SLC6A20: variants seen among roughly 807,000 people sequenced by gnomAD.
SLC6A20 encodes the protein sodium- and chloride-dependent transporter XTRP3.
A neutral mutation model predicts 64.3 loss-of-function variants in SLC6A20; 73 were observed. The observed-to-expected ratio is 1.14, with a 90% CI of 0.94 to 1.38. The LOEUF is 1.38. SLC6A20 is among the 40% of genes most tolerant of loss of function. SLC6A20 has a pLI of 0.00. For synonymous variants in SLC6A20, 347 were observed against 329.6 expected (o/e 1.05, Z -0.57); for missense variants, 725 against 772.8 (o/e 0.94, Z 0.73).
At chr3:45,784,773 T>A (rs1241197325) in intron 1 of SLC6A20, among the ~76,000 whole-genome samples, 2 of 152,176 alleles carry the variant, frequency 1.3e-5, no homozygotes, top group Non-Finnish European at 2.9e-5. Flanking sequence ...AACAGAAATT[T>A]ATTGGCTCAT....
chr3:45,763,145 A>G (rs1470103601), intron 8 of SLC6A20, 73 bp from the exon 9 acceptor site: 13 of 1,578,718 alleles, frequency 8.2e-6, no homozygotes, highest in South Asian at 1.1e-5. Flanking sequence ...TCTACAGGAC[A>G]GTGGGGTCGT....
chr3:45,768,884 T>G (rs565164280), intron 7 of SLC6A20, among the ~76,000 whole-genome samples: 31 of 152,300 alleles, frequency 2.0e-4, no homozygotes, highest in African/African-American at 7.2e-4. Flanking sequence ...CCACTATCAC[T>G]TCTACTCCCA....
rs1459067882 is a variant in SLC6A20 at position 45,759,107 on chromosome 3, ATCTTTGG to A, written c.1643_1649del (p.Thr548IlefsTer71). 6.2e-7 allele frequency: 1 copy of A among 1,610,970 alleles called. No homozygotes were observed. ...TGACAGCCAGTGCATAGGCCGGGTAATCTTTGGTCACGAGCTGGCCCTGAAAGGAGAG... is the reference window on the plus strand; with the variant it reads ...TGACAGCCAGTGCATAGGCCGGGTAATCACGAGCTGGCCCTGAAAGGAGAG... On this transcript the variant is annotated frameshift_variant, in exon 11 of 11. Coordinates refer to ENST00000358525, the MANE Select transcript of SLC6A20 (RefSeq NM_020208.4). LOFTEE classifies it low-confidence loss of function (END_TRUNC).
intron 1 of SLC6A20, among the ~76,000 whole-genome samples, chr3:45,795,557 C>T (rs1700331906): frequency 6.6e-6 from 1 of 152,064 alleles, no homozygotes; most frequent in Admixed American, 6.5e-5. Flanking sequence ...GTTTTAGATG[C>T]TGAGACTTAA....
intron 2 of SLC6A20, 66 bp from the exon 3 acceptor site, chr3:45,780,166 G>A (rs970028633): frequency 8.1e-6 from 12 of 1,489,920 alleles, no homozygotes; most frequent in South Asian, 4.8e-5. Context: ...CAGGCCCAGC[G>A]TGTGCTCCCA....
chr3:45,758,941 T>A lies in SLC6A20; in HGVS notation c.*37A>T, dbSNP rs1699597742. 1 of 1,554,790 alleles carries A rather than the reference T, an allele frequency of 6.4e-7. No homozygotes were observed. The highest frequency in any genetic ancestry group is 8.7e-7 in the Non-Finnish European group (1 of 1,149,868). ...CCGAGGAGTTTCCGCCTGTAAATAG[T>A]ATCTGTAAAACCGTGAGCGGCTGGG... On this transcript the variant is annotated 3_prime_UTR_variant, in exon 11 of 11. Coordinates refer to ENST00000358525, the MANE Select transcript of SLC6A20 (RefSeq NM_020208.4).
At chr3:45,781,089 C>T (rs754328715) in intron 2 of SLC6A20, among the ~76,000 whole-genome samples, 10 of 152,026 alleles carry the variant, frequency 6.6e-5, no homozygotes, top group Non-Finnish European at 1.3e-4. Context: ...GGTGTGGTGG[C>T]GGGTGCCTGT....
chr3:45,760,025 A>G lies in SLC6A20; in HGVS notation c.1464-3T>C, dbSNP rs772530107. 1.1e-5 allele frequency: 17 copies of G among 1,605,270 alleles called. No homozygotes were observed. Among genetic ancestry groups the G allele is most frequent in the African/African-American group, 4.0e-5 (3 of 74,440 alleles). On this transcript the variant is annotated splice_region_variant and splice_polypyrimidine_tract_variant and intron_variant, in intron 9 of 10. Transcript: ENST00000358525. ...TGGCCTTAAGGTCACTTTCAAATCT[A>G]TTTGGAAAACAGGGAGAGAAAGTCT...
At position 45,771,355 on chromosome 3, in the gene SLC6A20, T is replaced by C. The variant is rs766481839; in HGVS notation, c.797A>G (p.Asn266Ser). The C allele has an allele frequency of 4.3e-6, 7 of 1,614,084 alleles. No homozygotes were observed. The highest frequency in any genetic ancestry group is 3.3e-5 in the Admixed American group (2 of 59,998). Residue 266 changes from asparagine (N) to serine (S), a missense_variant, in exon 6 of 11, where the codon AAT becomes AGT. Coordinates refer to ENST00000358525, the MANE Select transcript of SLC6A20 (RefSeq NM_020208.4). ...CTTCTGGCAGTTGTTGGATGGCTCA[T>C]TGTAGCTGGCGAAGGCGATCAGGCT... The part of the protein sequence containing the change: ...FGSLIAFASY[N>S]EPSNNCQKHA...
intron 1 of SLC6A20, among the ~76,000 whole-genome samples, chr3:45,788,310 G>C (rs1450893950): frequency 2.0e-5 from 3 of 151,416 alleles, no homozygotes; most frequent in Non-Finnish European, 4.4e-5. Context: ...CAGCTCAGAA[G>C]AAAAGGATAA....
At chr3:45,794,277 T>C (rs562682269) in intron 1 of SLC6A20, among the ~76,000 whole-genome samples, 1 of 152,296 alleles carries the variant, frequency 6.6e-6, no homozygotes. Context: ...TTTGAAGCTG[T>C]GTGGCAGGAA....
At chr3:45,796,264 AG>A (rs1559575334) in intron 1 of SLC6A20, 34 bp downstream of exon 1, 1 of 1,572,902 alleles carries the variant, frequency 6.4e-7, no homozygotes, top group Admixed American at 1.8e-5. Flanking sequence ...ACGCGCACAG[AG>A]TTGGGCTGGG....
intron 8 of SLC6A20, among the ~76,000 whole-genome samples, chr3:45,763,908 G>A (rs1699727868): frequency 6.6e-6 from 1 of 152,156 alleles, no homozygotes; most frequent in Non-Finnish European, 1.5e-5. Context: ...AAGGAGAAAG[G>A]GGCCATGCGC....
chr3:45,796,245 A>C (rs1700343504), intron 1 of SLC6A20, 54 bp downstream of exon 1: 1 of 1,554,094 alleles, frequency 6.4e-7, no homozygotes, highest in South Asian at 1.2e-5. Flanking sequence ...GCTCGCACAC[A>C]CGGCGGGGAC....
chr3:45,780,240 A>C (rs1315072688), intron 2 of SLC6A20, 140 bp from the exon 3 acceptor site: 2 of 693,748 alleles, frequency 2.9e-6, no homozygotes, highest in Non-Finnish European at 4.9e-6. Context: ...TTGTGTGGTG[A>C]GTATTAAGCG....
In SLC6A20 at chr3:45,762,943, A is replaced by C; in HGVS notation, c.1433T>G (p.Ile478Ser). ...SLLLIVLVETIAVCYVYGLRR... is the reference protein window; with the variant it reads ...SLLLIVLVETSAVCYVYGLRR... ...CAGCCCGTACACGTAGCACACGGCA[A>C]TCGTCTCCACCAGCACGATGAGCAG... Residue 478 changes from isoleucine to serine, a missense_variant, in exon 9 of 11, where the codon ATT (isoleucine) becomes AGT (serine). Coordinates refer to ENST00000358525, the MANE Select transcript of SLC6A20 (RefSeq NM_020208.4). The C allele has an allele frequency of 1.2e-6, 2 of 1,614,152 alleles. No homozygotes were observed. Among genetic ancestry groups the C allele is most frequent in the Non-Finnish European group, 1.7e-6 (2 of 1,180,038 alleles).
Position 45,780,089 on chromosome 3 carries a change from C to G in SLC6A20, c.274G>C (p.Val92Leu). Residue 92 changes from valine (V) to leucine (L), a missense_variant, in exon 3 of 11, where the codon GTG becomes CTG. Transcript: ENST00000358525. ...ATGGAGAGGAAGAAAGAGACCACCACGCTGGCGACCCCTGCGAGGAAGCAG... is the reference window on the plus strand; with the variant it reads ...ATGGAGAGGAAGAAAGAGACCACCAGGCTGGCGACCCCTGCGAGGAAGCAG... ...PYLSGVGVAS[V>L]VVSFFLSMYY... 5 of 1,593,716 alleles carry G rather than the reference C, an allele frequency of 3.1e-6. No homozygotes were observed. Among genetic ancestry groups the G allele is most frequent in the Non-Finnish European group, 4.3e-6 (5 of 1,169,762 alleles).
At chr3:45,787,419 T>A (rs1700188025) in intron 1 of SLC6A20, among the ~76,000 whole-genome samples, 1 of 152,160 alleles carries the variant, frequency 6.6e-6, no homozygotes, top group Non-Finnish European at 1.5e-5. Flanking sequence ...TTGATTTACC[T>A]TCTGAACATT....
rs373082544 is a variant in SLC6A20, at chr3:45,756,451, A to G, written c.*2527T>C. 6 of 152,332 alleles carry G rather than the reference A, an allele frequency of 3.9e-5. No individual in the cohort carries two copies. The highest frequency in any genetic ancestry group is 1.9e-4 in the East Asian group (1 of 5,190). The allele number at this position is 152,332 out of a possible 1,614,324, so 9.4% of individuals were successfully genotyped here. The stretch of plus-strand genomic sequence containing the variant: ...CCACGGGGTAGATAAGATTAAATCC[A>G]TGGGGTACATGCTGGTTCATACATT... On this transcript the variant is annotated 3_prime_UTR_variant, in exon 11 of 11. Coordinates refer to ENST00000358525, the MANE Select transcript of SLC6A20 (RefSeq NM_020208.4).
Sources: allele counts gnomAD v4.1 joint callset (sites outside exome capture counted in the v4.1 genomes callset), GRCh38; gene constraint gnomAD v4.1.1; transcripts MANE v1.5; gene names NCBI Gene and HGNC (gene_info 2026-07-23, HGNC 2026-07-21).